Variants in LRRC37A2 observed in about 807,000 individuals in gnomAD.
LRRC37A2 encodes leucine rich repeat containing 37 member A2, also known as leucine-rich repeat-containing protein 37A2.
A neutral mutation model predicts 68.8 loss-of-function variants in LRRC37A2; 9 were observed. That is an observed-to-expected ratio of 0.13 (90% confidence interval 0.08 to 0.23). The LOEUF is 0.23. Among genes scored for constraint, LRRC37A2 ranks in the 10% least tolerant of loss-of-function variants. The probability of loss-of-function intolerance (pLI) is 1.00; values close to 1 mark genes in which losing one functional copy is unlikely to be tolerated. For synonymous variants in LRRC37A2, 63 were observed against 367.6 expected, an observed-to-expected ratio of 0.17 and a Z score of 9.48; for missense variants, 168 against 950.4, an observed-to-expected ratio of 0.18 and a Z score of 10.82.
At chr17:47,017,135 A>T in the LRRC37A2 span, 2 of 1,602,366 alleles carry the variant, frequency 1.2e-6, no homozygotes, top group East Asian at 4.5e-5. Context: ...TACAGGTGTC[A>T]TAAAGACAGG....
the LRRC37A2 span, among the ~76,000 whole-genome samples, chr17:46,805,764 C>T: frequency 2.6e-5 from 4 of 152,066 alleles, no homozygotes; most frequent in African/African-American, 9.7e-5. Flanking sequence ...CCAAACCAAA[C>T]TGAAACTTGA....
At chr17:46,766,172 G>A in the LRRC37A2 span, among the ~76,000 whole-genome samples, 1 of 152,318 alleles carries the variant, frequency 6.6e-6, no homozygotes, top group Non-Finnish European at 1.5e-5. Flanking sequence ...ACTTTGAGGG[G>A]CCAAGACGGG....
chr17:47,020,114 C>T, the LRRC37A2 span, among the ~76,000 whole-genome samples: 3 of 150,956 alleles, frequency 2.0e-5, no homozygotes, highest in South Asian at 2.1e-4. Flanking sequence ...GTCCCTCTCC[C>T]GATCTCAGTG....
chr17:46,932,221 G>T, the LRRC37A2 span: 16 of 1,613,666 alleles, frequency 9.9e-6, no homozygotes, highest in Non-Finnish European at 1.1e-5. Flanking sequence ...CCGTGGTGAG[G>T]GTCGGCCTGC....
At chr17:47,002,183 A>G in the LRRC37A2 span, among the ~76,000 whole-genome samples, 1 of 152,118 alleles carries the variant, frequency 6.6e-6, no homozygotes, top group South Asian at 2.1e-4. Context: ...TTGTGTGCCA[A>G]TAGTTCATTA....
the LRRC37A2 span, chr17:46,978,938 C>A: frequency 3.4e-6 from 5 of 1,455,442 alleles, no homozygotes; most frequent in Non-Finnish European, 2.7e-6. Flanking sequence ...TTTCCCAGGG[C>A]GGCCCCGGCG....
At chr17:46,972,433 C>G in the LRRC37A2 span, among the ~76,000 whole-genome samples, 2 of 152,342 alleles carry the variant, frequency 1.3e-5, no homozygotes, top group African/African-American at 4.8e-5. Flanking sequence ...GGAAAGGATT[C>G]CCAGCAAAGG....
the LRRC37A2 span, among the ~76,000 whole-genome samples, chr17:46,917,595 C>T: frequency 9.2e-5 from 14 of 152,232 alleles, no homozygotes. Context: ...GCTGGAGTTG[C>T]ATACTGGTAG....
the LRRC37A2 span, among the ~76,000 whole-genome samples, chr17:46,858,265 A>T: frequency 6.6e-6 from 1 of 152,150 alleles, no homozygotes; most frequent in East Asian, 1.9e-4. Context: ...TCTTTGTCAC[A>T]AGTACTGGTA....
chr17:46,717,796 C>T, the LRRC37A2 span, among the ~76,000 whole-genome samples: 3 of 152,208 alleles, frequency 2.0e-5, no homozygotes, highest in East Asian at 1.9e-4. Context: ...GCAGTGCCAG[C>T]GGCAAGCGAA....
the LRRC37A2 span, among the ~76,000 whole-genome samples, chr17:46,834,023 C>T: frequency 2.6e-5 from 4 of 151,954 alleles, no homozygotes; most frequent in African/African-American, 9.7e-5. Context: ...TAGTGAGACC[C>T]TGTCTCTGCA....
chr17:46,992,853 C>CAAAAAAAAAAAAA, the LRRC37A2 span, among the ~76,000 whole-genome samples: 1 of 65,166 alleles, frequency 1.5e-5, no homozygotes, highest in Non-Finnish European at 2.6e-5. Flanking sequence ...AACTCCATCT[C>CAAAAAAAAAAAAA]AAAAAAAAAA....
At chr17:46,908,168 C>T in the LRRC37A2 span, among the ~76,000 whole-genome samples, 1 of 151,982 alleles carries the variant, frequency 6.6e-6, no homozygotes, top group South Asian at 2.1e-4. Context: ...CCTCCTGTCT[C>T]TGTGTCCCCC....
chr17:46,946,923 G>A, the LRRC37A2 span, among the ~76,000 whole-genome samples: 1 of 152,202 alleles, frequency 6.6e-6, no homozygotes, highest in African/African-American at 2.4e-5. Context: ...CCAAGCAAGT[G>A]GGGTAGATAT....
At chr17:46,773,969 A>C in the LRRC37A2 span, 13 of 1,578,946 alleles carry the variant, frequency 8.2e-6, no homozygotes, top group African/African-American at 1.1e-4. Flanking sequence ...CATCCTGGGC[A>C]CCATGGCCGC....
chr17:46,609,772 A>G, the LRRC37A2 span, among the ~76,000 whole-genome samples: 3 of 143,772 alleles, frequency 2.1e-5, no homozygotes, highest in East Asian at 5.8e-4. Flanking sequence ...ATCATGCAGC[A>G]TTGAAGATGT....
the LRRC37A2 span, chr17:46,728,798 G>T: frequency 7.8e-5 from 79 of 1,018,094 alleles, no homozygotes; most frequent in South Asian, 1.0e-4. Flanking sequence ...AAAACTGAAT[G>T]TTTGGAATAT....
chr17:46,806,161 T>C, the LRRC37A2 span, among the ~76,000 whole-genome samples: 1 of 151,866 alleles, frequency 6.6e-6, no homozygotes, highest in Non-Finnish European at 1.5e-5. Context: ...CCTGGTTGGG[T>C]CCTGTGATCC....
chr17:46,893,953 G>A, the LRRC37A2 span, among the ~76,000 whole-genome samples: 3 of 152,138 alleles, frequency 2.0e-5, no homozygotes, highest in Non-Finnish European at 4.4e-5. Context: ...TGCTGAGCAC[G>A]GCAGGGTTAG....
Sources: allele counts gnomAD v4.1 joint callset (sites outside exome capture counted in the v4.1 genomes callset), GRCh38; gene constraint gnomAD v4.1.1; transcripts MANE v1.5; gene names NCBI Gene and HGNC (gene_info 2026-07-23, HGNC 2026-07-21).